The following FMN2 variants were observed in gnomAD, a reference collection of about 807,000 sequenced individuals.
FMN2 encodes formin-2.
FMN2 carries 51 observed loss-of-function variants against 142.3 expected under a neutral mutation model. That is an observed-to-expected ratio of 0.36 (90% CI 0.29 to 0.45). FMN2 has a LOEUF of 0.45. Ranked by LOEUF, FMN2 falls within the 20% of genes least tolerant of loss-of-function variation. The pLI is 1.00. For missense variants in FMN2, 1,936 were observed against 2,122.8 expected, an observed-to-expected ratio of 0.91 and a Z score of 1.73; for synonymous variants, 882 against 869.8, an observed-to-expected ratio of 1.01 and a Z score of -0.25.
intron 8 of FMN2, among the ~76,000 whole-genome samples, chr1:240,296,970 T>C (rs1267907270): frequency 6.6e-6 from 1 of 152,170 alleles, no homozygotes; most frequent in Non-Finnish European, 1.5e-5. Flanking sequence ...AATATAACCA[T>C]TGGGAGGTAC....
Position 240,459,757 on chromosome 1 carries a change from A to G in FMN2, c.5061-12615A>G, listed in dbSNP as rs565329903. The stretch of plus-strand genomic sequence containing the variant: ...AAAAAAAAAAAAAAAAAAAAAAAAG[A>G]TTGTAGAGGAAGTATGCTAACTGTC... On this transcript the variant is annotated intron_variant, in intron 16 of 17. Coordinates refer to ENST00000319653, the MANE Select transcript of FMN2 (RefSeq NM_020066.5). Among the ~76,000 whole-genome samples, 155 of 123,328 alleles carry G rather than the reference A, an allele frequency of 1.3e-3. 1 individual carries two copies. The highest frequency in any genetic ancestry group is 4.4e-3 in the African/African-American group (152 of 34,676). 80.9% of individuals were successfully genotyped at this position (123,328 alleles called of 152,430 possible). A position where few individuals can be genotyped will look rare whatever the true frequency, so the allele number is the denominator to read the frequency against.
chr1:240,178,119 G>A, intron 3 of FMN2, 51 bp downstream of exon 3: 1 of 1,424,934 alleles, frequency 7.0e-7, no homozygotes, highest in Non-Finnish European at 9.2e-7. Context: ...AAGATAGAGA[G>A]AGAGAAGTTT....
In FMN2 at chr1:240,170,794, G is replaced by A. The variant is rs370435528; in HGVS notation, c.1783-7127G>A. On this transcript the variant is annotated intron_variant, in intron 2 of 17. Coordinates refer to ENST00000319653, the MANE Select transcript of FMN2 (RefSeq NM_020066.5). Reference sequence around the variant, plus strand: ...GGGAGGAGTTGGATTGACAGTTATCGTGGGCGGTAAAGTGGCTGGTGCATC... The same window carrying A: ...GGGAGGAGTTGGATTGACAGTTATCATGGGCGGTAAAGTGGCTGGTGCATC... The A allele has an allele frequency of 3.0e-3, 3,031 of 1,027,034 alleles. 74 individuals are homozygous for A. The South Asian group carries it at 0.034, about 11-fold the overall frequency. The allele number at this position is 1,027,034 out of a possible 1,614,324, so 63.6% of individuals were successfully genotyped here. A position where few individuals can be genotyped will look rare whatever the true frequency, so the allele number is the denominator to read the frequency against.
At chr1:240,382,638 G>GT (rs570825336) in intron 14 of FMN2, among the ~76,000 whole-genome samples, 227 of 152,080 alleles carry the variant, frequency 1.5e-3, no homozygotes, top group East Asian at 4.8e-3. Flanking sequence ...TCCAGCCTGG[G>GT]TGACAGAGTG....
At chr1:240,376,062 TTATG>T (rs1333503142) in intron 14 of FMN2, among the ~76,000 whole-genome samples, 6 of 152,142 alleles carry the variant, frequency 3.9e-5, no homozygotes, top group Non-Finnish European at 5.9e-5. Context: ...CCCTTTATCA[TTATG>T]TATTGATTCT....
chr1:240,200,633 TG>T (rs375582316), intron 4 of FMN2, among the ~76,000 whole-genome samples: 207 of 152,134 alleles, frequency 1.4e-3, no homozygotes, highest in African/African-American at 4.7e-3. Flanking sequence ...GCTCTGCTTG[TG>T]TGGAATAGAA....
At chr1:240,184,517 G>GTTT (rs71712034) in intron 3 of FMN2, among the ~76,000 whole-genome samples, 10 of 119,774 alleles carry the variant, frequency 8.3e-5, no homozygotes, top group African/African-American at 1.5e-4. Flanking sequence ...CGCCCGGCCT[G>GTTT]TTTTTTTTTT....
chr1:240,337,732 A>T (rs181861696), intron 13 of FMN2, among the ~76,000 whole-genome samples: 3 of 152,338 alleles, frequency 2.0e-5, no homozygotes, highest in Non-Finnish European at 2.9e-5. Context: ...GTTTCTGCTT[A>T]GAGACTTGAT....
intron 14 of FMN2, among the ~76,000 whole-genome samples, chr1:240,373,710 A>G (rs1280630139): frequency 5.9e-5 from 9 of 152,118 alleles, no homozygotes; most frequent in Non-Finnish European, 1.2e-4. Context: ...CCATTTCTTC[A>G]GTTCTTTCCT....
intron 1 of FMN2, among the ~76,000 whole-genome samples, chr1:240,100,729 A>T (rs916749259): frequency 2.6e-5 from 4 of 152,182 alleles, no homozygotes; most frequent in Non-Finnish European, 5.9e-5. Flanking sequence ...TACTGCCTCT[A>T]TTCTGTGATC....
At chr1:240,313,235 T>C (rs1670653976) in intron 8 of FMN2, among the ~76,000 whole-genome samples, 1 of 152,220 alleles carries the variant, frequency 6.6e-6, no homozygotes, top group South Asian at 2.1e-4. Context: ...ATGCTTCCTT[T>C]TTCTCCCATC....
intron 13 of FMN2, chr1:240,341,454 A>G (rs1171276052): frequency 6.6e-6 from 1 of 151,608 alleles, no homozygotes; most frequent in Non-Finnish European, 1.5e-5. Context: ...CCCCCTTCTC[A>G]CTACTGCACT....
In FMN2 at chr1:240,447,541, C is replaced by T. The variant is rs556125084; in HGVS notation, c.5060+9331C>T. On this transcript the variant is annotated intron_variant, in intron 16 of 17. Transcript: ENST00000319653. The stretch of plus-strand genomic sequence containing the variant: ...CTGTGGTAAAAAACACAGACAGTAA[C>T]AAGTGTTGCAGATGATGAGAATGTA... 4.6e-5 allele frequency among the ~76,000 whole-genome samples: 7 copies of T among 152,272 alleles called. No individual in the cohort carries two copies. In the South Asian group the frequency reaches 1.4e-3, roughly 32 times the overall value.
intron 1 of FMN2, among the ~76,000 whole-genome samples, chr1:240,117,420 A>G (rs937551173): frequency 2.0e-5 from 3 of 152,202 alleles, no homozygotes; most frequent in Non-Finnish European, 2.9e-5. Flanking sequence ...TCAGTTGTTC[A>G]GGTGCAGGCA....
chr1:240,471,314 T>C (rs1676800339), intron 16 of FMN2, among the ~76,000 whole-genome samples: 1 of 152,160 alleles, frequency 6.6e-6, no homozygotes, highest in Non-Finnish European at 1.5e-5. Flanking sequence ...GTGTGTGTGG[T>C]ATAGGAAGTT....
At chr1:240,188,291 T>C in intron 4 of FMN2, 29 bp downstream of exon 4, 1 of 1,604,362 alleles carries the variant, frequency 6.2e-7, no homozygotes. Flanking sequence ...GATGTCAGAT[T>C]CCCATCTGTC....
chr1:240,393,235 A>G (rs969386016), intron 15 of FMN2, among the ~76,000 whole-genome samples: 2 of 151,952 alleles, frequency 1.3e-5, no homozygotes, highest in Non-Finnish European at 2.9e-5. Context: ...TATCGGTGCC[A>G]TGTTTCCAAC....
chr1:240,295,759 T>C (rs1669953615), intron 8 of FMN2, among the ~76,000 whole-genome samples: 3 of 152,228 alleles, frequency 2.0e-5, no homozygotes, highest in African/African-American at 7.2e-5. Flanking sequence ...ATACTTTTCA[T>C]TTCCTTTGGA....
chr1:240,236,257 C>T (rs1667706095), intron 6 of FMN2, among the ~76,000 whole-genome samples: 2 of 152,098 alleles, frequency 1.3e-5, no homozygotes, highest in African/African-American at 2.4e-5. Context: ...AATTTTTTCT[C>T]ATCTCCCTAG....
Sources: gnomAD v4.1 joint callset for allele counts (sites outside exome capture counted in the v4.1 genomes callset) on GRCh38, gnomAD v4.1.1 for gene constraint, MANE v1.5 for transcripts, NCBI Gene and HGNC (gene_info 2026-07-23, HGNC 2026-07-21) for gene names.